The following PCDH9 variants were observed in gnomAD, a reference collection of about 807,000 sequenced individuals.
PCDH9 encodes protocadherin-9.
PCDH9 carries 24 observed loss-of-function variants against 70.6 expected under a neutral mutation model. That is an observed-to-expected ratio of 0.34 (90% CI 0.25 to 0.48). The LOEUF is 0.48. Ranked by LOEUF, PCDH9 falls within the 20% of genes least tolerant of loss-of-function variation. The pLI is 0.99. For synonymous variants in PCDH9, 562 were observed against 558.5 expected, an observed-to-expected ratio of 1.01 and a Z score of -0.09; for missense variants, 1,281 against 1,503.6, an observed-to-expected ratio of 0.85 and a Z score of 2.45.
At chr13:66,418,645 T>C (rs943209131) in intron 4 of PCDH9, among the ~76,000 whole-genome samples, 26 of 151,472 alleles carry the variant, frequency 1.7e-4, no homozygotes, top group African/African-American at 6.3e-4. Flanking sequence ...GTGGGAAAGA[T>C]CTAAAATCAA....
chr13:66,865,776 T>C (rs2081563727), intron 3 of PCDH9, among the ~76,000 whole-genome samples: 1 of 152,204 alleles, frequency 6.6e-6, no homozygotes, highest in African/African-American at 2.4e-5. Flanking sequence ...TCAAGTTACT[T>C]CCAAAGTAAA....
chr13:67,132,172 T>G (rs923189869), intron 2 of PCDH9, among the ~76,000 whole-genome samples: 1 of 152,192 alleles, frequency 6.6e-6, no homozygotes, highest in African/African-American at 2.4e-5. Flanking sequence ...GAGAGTTAGT[T>G]GATTTTCCTG....
intron 2 of PCDH9, among the ~76,000 whole-genome samples, chr13:67,111,803 T>C (rs915477297): frequency 2.0e-5 from 3 of 152,218 alleles, no homozygotes; most frequent in Non-Finnish European, 2.9e-5. Flanking sequence ...GATTATTATG[T>C]AACCTTCACT....
Position 66,503,954 on chromosome 13 carries a change from A to C in PCDH9, c.3340+127256T>G, listed in dbSNP as rs143277411. ...GGTCTGGGTCTTGGGTATCAGGCAC[A>C]AGACCCAGAAGTCAGGCTGTGTCGT... On this transcript the variant is annotated intron_variant, in intron 4 of 4. Transcript: ENST00000377865. 7.0e-3 allele frequency among the ~76,000 whole-genome samples: 1,071 copies of C among 152,326 alleles called. 35 individuals are homozygous for C. The East Asian group carries it at 0.092, about 13-fold the overall frequency.
intron 2 of PCDH9, among the ~76,000 whole-genome samples, chr13:67,037,950 T>C (rs2085041809): frequency 6.6e-6 from 1 of 152,174 alleles, no homozygotes; most frequent in Non-Finnish European, 1.5e-5. Flanking sequence ...AATGTTTTTC[T>C]GAGCAATAAA....
At chr13:66,500,717 C>T (rs1361369406) in intron 4 of PCDH9, among the ~76,000 whole-genome samples, 3 of 152,000 alleles carry the variant, frequency 2.0e-5, no homozygotes, top group Admixed American at 6.6e-5. Context: ...AGAAAGCCTA[C>T]GGTATATTCT....
chr13:66,341,436 A>G (rs1400979945), intron 4 of PCDH9, among the ~76,000 whole-genome samples: 1 of 152,110 alleles, frequency 6.6e-6, no homozygotes, highest in Middle Eastern at 3.2e-3. Flanking sequence ...ATGCTGCTCT[A>G]GGTTTTGGCT....
At chr13:67,059,233 G>A (rs1327557670) in intron 2 of PCDH9, among the ~76,000 whole-genome samples, 1 of 151,042 alleles carries the variant, frequency 6.6e-6, no homozygotes, top group Non-Finnish European at 1.5e-5. Flanking sequence ...GCTCCCTACG[G>A]TGTGCTAGCA....
intron 4 of PCDH9, among the ~76,000 whole-genome samples, chr13:66,421,618 A>G (rs932515922): frequency 1.1e-4 from 17 of 152,182 alleles, no homozygotes; most frequent in African/African-American, 4.1e-4. Flanking sequence ...ATGCTGAGGG[A>G]TTTTGTTACC....
At chr13:66,541,578 ATCT>A (rs1026979428) in intron 4 of PCDH9, among the ~76,000 whole-genome samples, 1 of 152,028 alleles carries the variant, frequency 6.6e-6, no homozygotes, top group African/African-American at 2.4e-5. Context: ...TCATATGTCC[ATCT>A]TCTCTGCGTG....
At chr13:66,448,719 T>A (rs1361057345) in intron 4 of PCDH9, among the ~76,000 whole-genome samples, 8 of 152,170 alleles carry the variant, frequency 5.3e-5, no homozygotes, top group Admixed American at 5.2e-4. Flanking sequence ...TACTTGGATA[T>A]GGAGGTGGGA....
intron 4 of PCDH9, among the ~76,000 whole-genome samples, chr13:66,629,025 G>T (rs982390627): frequency 2.0e-5 from 3 of 152,072 alleles, no homozygotes; most frequent in African/African-American, 7.2e-5. Flanking sequence ...ATGTTCATTG[G>T]TTTCTGAAAT....
At chr13:67,038,825 C>T (rs1240294997) in intron 2 of PCDH9, among the ~76,000 whole-genome samples, 1 of 152,090 alleles carries the variant, frequency 6.6e-6, no homozygotes, top group African/African-American at 2.4e-5. Flanking sequence ...TGGTTCCCGA[C>T]ACAGGGCTCC....
chr13:66,457,234 T>A (rs1182103835), intron 4 of PCDH9, among the ~76,000 whole-genome samples: 2 of 152,138 alleles, frequency 1.3e-5, no homozygotes, highest in Non-Finnish European at 2.9e-5. Context: ...TATTCATATG[T>A]ATGAATGCAT....
At chr13:66,906,758 TA>T (rs1425902836) in intron 2 of PCDH9, among the ~76,000 whole-genome samples, 19 of 152,106 alleles carry the variant, frequency 1.2e-4, no homozygotes, top group Admixed American at 1.1e-3. Context: ...AAGAAAAAAG[TA>T]ACACTGTAAA....
rs555191852 is a variant in PCDH9 at position 66,661,360 on chromosome 13, C to T, written c.3139-29949G>A. Among the ~76,000 whole-genome samples, 137 of 152,290 alleles carry T rather than the reference C, an allele frequency of 9.0e-4. 1 individual carries two copies. Among genetic ancestry groups the T allele is most frequent in the Admixed American group, 1.5e-3 (23 of 15,296 alleles). ...TAACTTTAAGTGACACTTCTCATTA[C>T]CCCTCACCAGCTCTTCCCCAAAGCA... is the stretch of plus-strand genomic sequence containing the variant. On this transcript the variant is annotated intron_variant, in intron 3 of 4. Transcript: ENST00000377865.
At chr13:66,675,765 T>C (rs1250883599) in intron 3 of PCDH9, among the ~76,000 whole-genome samples, 1 of 152,138 alleles carries the variant, frequency 6.6e-6, no homozygotes, top group Non-Finnish European at 1.5e-5. Context: ...TCCTTCATCT[T>C]TCTTCAGAAT....
At chr13:66,983,681 TA>T (rs200092674) in intron 2 of PCDH9, among the ~76,000 whole-genome samples, 1 of 151,992 alleles carries the variant, frequency 6.6e-6, no homozygotes, top group African/African-American at 2.4e-5. Flanking sequence ...CACTCTTTTT[TA>T]AAAAAAACTT....
At chr13:66,465,509 CA>C (rs945017512) in intron 4 of PCDH9, among the ~76,000 whole-genome samples, 8 of 151,784 alleles carry the variant, frequency 5.3e-5, no homozygotes, top group African/African-American at 1.9e-4. Context: ...TTATATACTT[CA>C]AAATAATTAT....
Sources: gnomAD v4.1 joint callset for allele counts (sites outside exome capture counted in the v4.1 genomes callset) on GRCh38, gnomAD v4.1.1 for gene constraint, MANE v1.5 for transcripts, NCBI Gene and HGNC (gene_info 2026-07-23, HGNC 2026-07-21) for gene names.